The following LTBP1 variants were observed in gnomAD, a reference collection of about 807,000 sequenced individuals.
LTBP1 encodes the protein latent-transforming growth factor beta-binding protein 1.
A neutral mutation model predicts 207.6 loss-of-function variants in LTBP1; 129 were observed. The observed-to-expected ratio is 0.62, with a 90% CI of 0.54 to 0.72. LTBP1 has a LOEUF of 0.72. Ranked by LOEUF, LTBP1 falls within the 30% of genes least tolerant of loss-of-function variation. The pLI is 0.00. For synonymous variants in LTBP1, 963 were observed against 833.7 expected, an observed-to-expected ratio of 1.16 and a Z score of -2.67; for missense variants, 2,281 against 2,217.2, an observed-to-expected ratio of 1.03 and a Z score of -0.58.
chr2:33,397,506 CTTTT>C (rs35219261), intron 33 of LTBP1, among the ~76,000 whole-genome samples: 1 of 112,114 alleles, frequency 8.9e-6, no homozygotes, highest in African/African-American at 3.5e-5. Flanking sequence ...TACCACAATT[CTTTT>C]TTTTTTTTTT....
intron 3 of LTBP1, among the ~76,000 whole-genome samples, chr2:33,065,442 T>C (rs989896210): frequency 6.6e-6 from 1 of 152,108 alleles, no homozygotes. Context: ...TAGCCCAAGC[T>C]ACTCAGGAGG....
intron 3 of LTBP1, among the ~76,000 whole-genome samples, chr2:33,070,123 A>G (rs891888189): frequency 3.3e-5 from 5 of 152,186 alleles, no homozygotes; most frequent in African/African-American, 9.7e-5. Context: ...ACCAGTCATC[A>G]TGGTCCTGGC....
chr2:33,236,999 G>A (rs7591896), intron 9 of LTBP1, among the ~76,000 whole-genome samples: 4,795 of 152,264 alleles, frequency 0.031, 83 homozygotes, highest in Non-Finnish European at 0.038. Flanking sequence ...ATCCTATGGT[G>A]GATGGTCATT....
intron 7 of LTBP1, among the ~76,000 whole-genome samples, chr2:33,194,531 C>G (rs533365199): frequency 1.3e-5 from 2 of 152,200 alleles, no homozygotes; most frequent in African/African-American, 4.8e-5. Flanking sequence ...ACAACATTCT[C>G]TTCAGCCAGA....
chr2:33,005,497 C>G (rs1476087530), intron 2 of LTBP1, among the ~76,000 whole-genome samples: 1 of 152,032 alleles, frequency 6.6e-6, no homozygotes, highest in African/African-American at 2.4e-5. Context: ...TTCCTGATGC[C>G]TGGGCTCTCA....
intron 24 of LTBP1, among the ~76,000 whole-genome samples, chr2:33,317,191 T>C (rs1277082520): frequency 6.6e-6 from 1 of 152,200 alleles, no homozygotes; most frequent in Non-Finnish European, 1.5e-5. Context: ...GGCAAAGACT[T>C]GAATTTAAAA....
chr2:33,018,645 A>G (rs1688722963), intron 2 of LTBP1, among the ~76,000 whole-genome samples: 2 of 152,330 alleles, frequency 1.3e-5, no homozygotes, highest in South Asian at 4.1e-4. Context: ...AAGTTTGCTC[A>G]GTTGGTCAGG....
At chr2:33,000,173 C>T (rs529352922) in intron 2 of LTBP1, among the ~76,000 whole-genome samples, 1 of 135,436 alleles carries the variant, frequency 7.4e-6, no homozygotes, top group South Asian at 2.6e-4. Flanking sequence ...CTTGGAGAAA[C>T]TAAAAAGTAC....
At chr2:33,035,084 T>G (rs2075858071) in intron 3 of LTBP1, among the ~76,000 whole-genome samples, 1 of 152,214 alleles carries the variant, frequency 6.6e-6, no homozygotes, top group Non-Finnish European at 1.5e-5. Context: ...TAGCCGACCC[T>G]TGGTTCCCCT....
intron 25 of LTBP1, among the ~76,000 whole-genome samples, chr2:33,343,931 C>G (rs1305253304): frequency 6.6e-6 from 1 of 152,126 alleles, no homozygotes; most frequent in South Asian, 2.1e-4. Context: ...TTATAGATAG[C>G]AAGACTTTTC....
chr2:33,015,225 T>G (rs1403574471), intron 2 of LTBP1, among the ~76,000 whole-genome samples: 1 of 152,246 alleles, frequency 6.6e-6, no homozygotes, highest in Non-Finnish European at 1.5e-5. Context: ...TAAATGTCAC[T>G]GCAGACTTTG....
At chr2:32,993,719 G>C (rs1001304435) in intron 2 of LTBP1, among the ~76,000 whole-genome samples, 1 of 152,132 alleles carries the variant, frequency 6.6e-6, no homozygotes, top group Non-Finnish European at 1.5e-5. Context: ...TGTGAACCCA[G>C]GGAACCCAAG....
chr2:33,092,506 T>G (rs371084471), intron 3 of LTBP1, among the ~76,000 whole-genome samples: 2 of 152,192 alleles, frequency 1.3e-5, no homozygotes, highest in East Asian at 1.9e-4. Context: ...ACTCCAGACA[T>G]TAAGCCTTCT....
At chr2:33,327,655 G>T (rs935546909) in intron 24 of LTBP1, among the ~76,000 whole-genome samples, 1 of 152,210 alleles carries the variant, frequency 6.6e-6, no homozygotes, top group Non-Finnish European at 1.5e-5. Context: ...CAGATAGGAA[G>T]TGGTGGTCAA....
intron 10 of LTBP1, among the ~76,000 whole-genome samples, chr2:33,249,146 C>G (rs1229057178): frequency 2.0e-5 from 3 of 152,146 alleles, no homozygotes; most frequent in East Asian, 1.9e-4. Context: ...AACCCTTGCT[C>G]TTTTCTGAAA....
intron 26 of LTBP1, 62 bp from the exon 27 acceptor site, chr2:33,360,535 C>T: frequency 9.3e-7 from 1 of 1,076,842 alleles, no homozygotes; most frequent in Non-Finnish European, 1.4e-6. Context: ...GCATTCTCTA[C>T]TTGTTGTCTT....
chr2:33,243,566 A>G, intron 9 of LTBP1, 96 bp from the exon 10 acceptor site: 1 of 1,122,812 alleles, frequency 8.9e-7, no homozygotes, highest in Non-Finnish European at 1.3e-6. Flanking sequence ...TAACTAAAAG[A>G]TTACTATAGT....
At chr2:33,110,852 T>C in intron 4 of LTBP1, 101 bp downstream of exon 4, 1 of 1,104,890 alleles carries the variant, frequency 9.1e-7, no homozygotes, top group Non-Finnish European at 1.2e-6. Context: ...GTAAATAAAA[T>C]TCAAGAGTCA....
In LTBP1 at chr2:33,180,457, T is replaced by G. The variant is rs1444677684; in HGVS notation, c.1202-6399T>G. 3.0e-5 allele frequency among the ~76,000 whole-genome samples: 4 copies of G among 134,482 alleles called. No individual in the cohort carries two copies. In the South Asian group the frequency reaches 6.3e-4, roughly 21 times the overall value. 88.2% of individuals were successfully genotyped at this position (134,482 alleles called of 152,430 possible). A position where few individuals can be genotyped will look rare whatever the true frequency, so the allele number is the denominator to read the frequency against. On this transcript the variant is annotated intron_variant, in intron 5 of 33. Coordinates refer to ENST00000404816, the MANE Select transcript of LTBP1 (RefSeq NM_206943.4). ...TGGTTTTGTGTAGCGTGGCATAGTT[T>G]TTTTTTTTTTTTTTGACAGGGTCTC... is the stretch of plus-strand genomic sequence containing the variant.
Sources: gnomAD v4.1 joint callset for allele counts (sites outside exome capture counted in the v4.1 genomes callset) on GRCh38, gnomAD v4.1.1 for gene constraint, MANE v1.5 for transcripts, NCBI Gene and HGNC (gene_info 2026-07-23, HGNC 2026-07-21) for gene names.